EMCN: variants seen among roughly 807,000 people sequenced by gnomAD.
EMCN encodes the protein endomucin.
A neutral mutation model predicts 38.4 loss-of-function variants in EMCN; 37 were observed. The observed-to-expected ratio is 0.96, with a 90% confidence interval of 0.74 to 1.27. EMCN has a LOEUF of 1.27. Ranked by LOEUF, EMCN falls within the 50% of genes most tolerant of loss-of-function variation. EMCN has a pLI of 0.00. For synonymous variants in EMCN, 95 were observed against 100.8 expected (o/e 0.94, Z 0.35); for missense variants, 318 against 302.8 (o/e 1.05, Z -0.37).
chr4:100,501,595 G>A (rs923099504), intron 1 of EMCN, among the ~76,000 whole-genome samples: 2 of 152,018 alleles, frequency 1.3e-5, no homozygotes, highest in Admixed American at 6.6e-5. Context: ...AAAGCTTCTT[G>A]TATTCCACAT....
chr4:100,400,907 C>T (rs1726241587), intron 11 of EMCN, among the ~76,000 whole-genome samples: 1 of 151,982 alleles, frequency 6.6e-6, no homozygotes, highest in East Asian at 1.9e-4. Flanking sequence ...ATTATAATCC[C>T]TCTAAAATTA....
At position 100,455,685 on chromosome 4, in the gene EMCN, T is replaced by C. The variant is rs138584049; in HGVS notation, c.377-8114A>G. Among the ~76,000 whole-genome samples, 155 of 152,198 alleles carry C rather than the reference T, an allele frequency of 1.0e-3. 1 individual carries two copies. Among genetic ancestry groups the C allele is most frequent in the African/African-American group, 3.7e-3 (152 of 41,566 alleles). On this transcript the variant is annotated intron_variant, in intron 4 of 11. Transcript: ENST00000296420. ...TTATCTCCGGTTTTCCATGATTTGATTATGATGTGCTTTGGTGTAGTTTTC... is the reference window on the plus strand; with the variant it reads ...TTATCTCCGGTTTTCCATGATTTGACTATGATGTGCTTTGGTGTAGTTTTC...
intron 1 of EMCN, among the ~76,000 whole-genome samples, chr4:100,516,717 A>G (rs1347620440): frequency 1.3e-5 from 2 of 152,040 alleles, no homozygotes; most frequent in East Asian, 3.9e-4. Context: ...AGATATTTAC[A>G]TAGAAATGAC....
chr4:100,402,473 C>T (rs1245008862), intron 11 of EMCN, among the ~76,000 whole-genome samples: 1 of 152,022 alleles, frequency 6.6e-6, no homozygotes, highest in Non-Finnish European at 1.5e-5. Flanking sequence ...AGTTGACAAC[C>T]TAGATAGTAG....
intron 5 of EMCN, among the ~76,000 whole-genome samples, chr4:100,441,391 T>G (rs1283007778): frequency 3.3e-5 from 5 of 152,328 alleles, no homozygotes; most frequent in South Asian, 4.1e-4. Context: ...TCAGCCTATG[T>G]GTCCTTAAAG....
At chr4:100,425,149 G>GCACACACACACA (rs57293882) in intron 5 of EMCN, among the ~76,000 whole-genome samples, 17,559 of 141,038 alleles carry the variant, frequency 0.12, 1,720 homozygotes, top group East Asian at 0.47. Flanking sequence ...TCTGAATCCA[G>GCACACACACACA]CACACACACA....
intron 4 of EMCN, among the ~76,000 whole-genome samples, chr4:100,460,863 A>G (rs554742657): frequency 1.8e-4 from 27 of 152,208 alleles, no homozygotes; most frequent in Non-Finnish European, 3.2e-4. Flanking sequence ...CTGAAAAATC[A>G]TTGCACAGAC....
At chr4:100,425,796 C>T (rs1479475290) in intron 5 of EMCN, among the ~76,000 whole-genome samples, 1 of 152,048 alleles carries the variant, frequency 6.6e-6, no homozygotes, top group African/African-American at 2.4e-5. Flanking sequence ...TGAACTTCAG[C>T]CACTTCTGTG....
chr4:100,463,222 A>C (rs979439798), intron 4 of EMCN, among the ~76,000 whole-genome samples: 3 of 152,070 alleles, frequency 2.0e-5, no homozygotes, highest in Non-Finnish European at 4.4e-5. Flanking sequence ...AAACATTTTA[A>C]TTTTGCTCAC....
chr4:100,497,571 T>A (rs988898276), intron 1 of EMCN, among the ~76,000 whole-genome samples: 6 of 151,916 alleles, frequency 3.9e-5, no homozygotes, highest in Non-Finnish European at 7.4e-5. Context: ...TAAAGCCGGG[T>A]TTCACCGTGT....
chr4:100,494,757 G>C (rs1729168628), intron 1 of EMCN, among the ~76,000 whole-genome samples: 4 of 151,806 alleles, frequency 2.6e-5, no homozygotes, highest in Admixed American at 6.6e-5. Context: ...GAATTTTTCT[G>C]CTGCGGAAAA....
At position 100,460,886 on chromosome 4, in the gene EMCN, G is replaced by A. The variant is rs536362931; in HGVS notation, c.376+4537C>T. ...TCATTGCACAGACTAATGTCAAGAA[G>A]CATTTCTCCTAGGTTTTCTTCTAGT... On this transcript the variant is annotated intron_variant, in intron 4 of 11. Transcript: ENST00000296420. Among the ~76,000 whole-genome samples the A allele has an allele frequency of 2.6e-5, 4 of 152,264 alleles. 1 individual carries two copies. The highest frequency in any genetic ancestry group is 9.6e-5 in the African/African-American group (4 of 41,566).
intron 2 of EMCN, among the ~76,000 whole-genome samples, chr4:100,477,240 A>G (rs1353987760): frequency 6.6e-6 from 1 of 150,388 alleles, no homozygotes; most frequent in Non-Finnish European, 1.5e-5. Flanking sequence ...ATGAAGCTGA[A>G]TAATAATCAA....
intron 1 of EMCN, among the ~76,000 whole-genome samples, chr4:100,497,531 C>A (rs1308985422): frequency 2.0e-5 from 3 of 152,092 alleles, no homozygotes; most frequent in African/African-American, 7.2e-5. Context: ...CACCCACCAC[C>A]ACGCCTGGCT....
intron 4 of EMCN, among the ~76,000 whole-genome samples, chr4:100,459,350 A>G (rs746197357): frequency 6.6e-6 from 1 of 152,126 alleles, no homozygotes; most frequent in Non-Finnish European, 1.5e-5. Context: ...TGAGATATAC[A>G]TGTATTGTGG....
intron 11 of EMCN, among the ~76,000 whole-genome samples, chr4:100,408,365 T>C (rs1726454470): frequency 6.6e-6 from 1 of 152,198 alleles, no homozygotes; most frequent in Admixed American, 6.5e-5. Flanking sequence ...TTTCTTTAAT[T>C]GCAGTGTAAT....
At chr4:100,512,518 T>C (rs1729651839) in intron 1 of EMCN, among the ~76,000 whole-genome samples, 1 of 152,090 alleles carries the variant, frequency 6.6e-6, no homozygotes, top group Non-Finnish European at 1.5e-5. Context: ...TAAATTCCTA[T>C]TCTGAGCTGG....
rs117934977 is a variant in EMCN at position 100,424,000 on chromosome 4, C to T, written c.416-596G>A. 9.9e-5 allele frequency among the ~76,000 whole-genome samples: 15 copies of T among 151,764 alleles called. No homozygotes were observed. The East Asian group carries it at 1.2e-3, about 12-fold the overall frequency. On this transcript the variant is annotated intron_variant, in intron 5 of 11. Coordinates refer to ENST00000296420, the MANE Select transcript of EMCN (RefSeq NM_016242.4). ...TTGACTGTTTTTTTTCACTAGCATC[C>T]GTGCTCTTTTTTTTCCAAGGAAAAT...
chr4:100,405,502 T>A lies in EMCN; in HGVS notation c.*39+4780A>T, dbSNP rs531420739. Among the ~76,000 whole-genome samples, 19 of 152,288 alleles carry A rather than the reference T, an allele frequency of 1.2e-4. 1 individual carries two copies. The South Asian group carries it at 3.9e-3, about 32-fold the overall frequency. On this transcript the variant is annotated intron_variant, in intron 11 of 11. Coordinates refer to ENST00000296420, the MANE Select transcript of EMCN (RefSeq NM_016242.4). ...CATGCAATTTTTGTTTTGAGTTCTGTTTATGTAATGAATTGCACTTATTGA... is the reference window on the plus strand; with the variant it reads ...CATGCAATTTTTGTTTTGAGTTCTGATTATGTAATGAATTGCACTTATTGA...
Sources: allele counts gnomAD v4.1 joint callset (sites outside exome capture counted in the v4.1 genomes callset), GRCh38; gene constraint gnomAD v4.1.1; transcripts MANE v1.5; gene names NCBI Gene and HGNC (gene_info 2026-07-23, HGNC 2026-07-21).